Variants in C1orf50 observed in about 807,000 individuals in gnomAD.
C1orf50 encodes the protein uncharacterized protein C1orf50.
In C1orf50, 22 loss-of-function variants were observed where a neutral mutation model predicts 23.3. The ratio of observed to expected loss-of-function variants is 0.94; its 90% CI spans 0.67 to 1.35. The LOEUF is 1.35. C1orf50 is among the 40% of genes most tolerant of loss of function. C1orf50 has a pLI of 0.00. For synonymous variants in C1orf50, 96 were observed against 102.4 expected (o/e 0.94, Z 0.38); for missense variants, 271 against 249.4 (o/e 1.09, Z -0.58).
rs201793492 is a variant in C1orf50 at position 42,767,333 on chromosome 1, G to A, written c.22G>A (p.Gly8Arg). The change falls in exon 1 of 5, where the codon GGG becomes AGG. Residue 8 changes from glycine (G) to arginine (R), a missense_variant. Transcript: ENST00000372525. ...TGTCATGGAGGACGCCGCCGCGCCG[G>A]GGCGGACCGAGGGGGTCCTTGAAAG... MEDAAAP[G>R]RTEGVLERQG... The A allele has an allele frequency of 3.3e-5, 51 of 1,525,564 alleles. No homozygotes were observed. The highest frequency in any genetic ancestry group is 4.2e-5 in the Non-Finnish European group (48 of 1,141,878). The allele number at this position is 1,525,564 out of a possible 1,614,324, so 94.5% of individuals were successfully genotyped here.
rs558838896 is a variant in C1orf50 at position 42,776,244 on chromosome 1, G to A, written c.*850G>A. 1 of 152,292 alleles carries A rather than the reference G, an allele frequency of 6.6e-6. No individual in the cohort carries two copies. Among genetic ancestry groups the A allele is most frequent in the South Asian group, 2.1e-4 (1 of 4,824 alleles). 9.4% of individuals were successfully genotyped at this position (152,292 alleles called of 1,614,324 possible). ...AGTAAGGCAGTAGAGTGAGAAGCAA[G>A]AAAAACAGCCAAATTGTTGACTGTG... On this transcript the variant is annotated 3_prime_UTR_variant, in exon 5 of 5. Coordinates refer to ENST00000372525, the MANE Select transcript of C1orf50 (RefSeq NM_024097.4).
chr1:42,771,820 A>T (rs1170213364), intron 2 of C1orf50, among the ~76,000 whole-genome samples: 45 of 152,094 alleles, frequency 3.0e-4, no homozygotes, highest in Admixed American at 2.9e-3. Flanking sequence ...TCTACTAAAA[A>T]TACAAAAATT....
chr1:42,773,721 A>G, intron 3 of C1orf50, 72 bp downstream of exon 3: 2 of 1,033,498 alleles, frequency 1.9e-6, no homozygotes, highest in Non-Finnish European at 3.0e-6. Context: ...CTTGTTTATA[A>G]TCGTTGTGAC....
Position 42,775,198 on chromosome 1 carries a change from G to T in C1orf50, c.415-11G>T. Reference sequence around the variant, plus strand: ...CACGCTGATGGGAACTGCCTCCTTTGCCTTCTCTAGGAATGGGGGACAAGT... The same window carrying T: ...CACGCTGATGGGAACTGCCTCCTTTTCCTTCTCTAGGAATGGGGGACAAGT... On this transcript the variant is annotated splice_polypyrimidine_tract_variant and intron_variant, in intron 4 of 4. Transcript: ENST00000372525. 6.3e-7 allele frequency: 1 copy of T among 1,585,548 alleles called. No individual in the cohort carries two copies. The highest frequency in any genetic ancestry group is 8.6e-7 in the Non-Finnish European group (1 of 1,156,316).
chr1:42,775,419 C>G lies in C1orf50; in HGVS notation c.*25C>G. 1 of 1,551,810 alleles carries G rather than the reference C, an allele frequency of 6.4e-7. No individual in the cohort carries two copies. The highest frequency in any genetic ancestry group is 8.8e-7 in the Non-Finnish European group (1 of 1,134,726). On this transcript the variant is annotated 3_prime_UTR_variant, in exon 5 of 5. Coordinates refer to ENST00000372525, the MANE Select transcript of C1orf50 (RefSeq NM_024097.4). Reference sequence around the variant, plus strand: ...AGAGTGGGCTTTGACAAACAGCTCTCACAGGACCTGGCTGTCAACCTCCTT... The same window carrying G: ...AGAGTGGGCTTTGACAAACAGCTCTGACAGGACCTGGCTGTCAACCTCCTT...
intron 2 of C1orf50, among the ~76,000 whole-genome samples, chr1:42,772,102 G>C: frequency 6.6e-6 from 1 of 151,974 alleles, no homozygotes; most frequent in East Asian, 1.9e-4. Flanking sequence ...TTGCGATCTT[G>C]ACAAAGGCAG....
chr1:42,767,704 C>A, intron 2 of C1orf50, 80 bp downstream of exon 2: 1 of 1,276,740 alleles, frequency 7.8e-7, no homozygotes, highest in Non-Finnish European at 1.1e-6. Flanking sequence ...GACCTCACTA[C>A]CACCTATGGT....
Position 42,774,822 on chromosome 1 carries a change from A to G in C1orf50, c.368A>G (p.Tyr123Cys), listed in dbSNP as rs1043526390. ...VKKPGNIYYLYKRESGQQYFS... is the reference protein window; with the variant it reads ...VKKPGNIYYLCKRESGQQYFS... ...AAACCTGGCAACATTTACTATCTCT[A>G]TAAACGGGAGAGTGGTCAGCAGTAT... Residue 123 changes from tyrosine to cysteine, a missense_variant, in exon 4 of 5, where the codon TAT becomes TGT. Physicochemically the swap from Tyr to Cys is radical, Grantham distance 194. Coordinates refer to ENST00000372525, the MANE Select transcript of C1orf50 (RefSeq NM_024097.4). 4.3e-6 allele frequency: 7 copies of G among 1,613,502 alleles called. No individual in the cohort carries two copies. The highest frequency in any genetic ancestry group is 4.0e-5 in the African/African-American group (3 of 74,926).
chr1:42,774,879 AC>A lies in C1orf50; in HGVS notation c.414+12del, dbSNP rs767178378. The A allele has an allele frequency of 3.2e-5, 51 of 1,599,406 alleles. No homozygotes were observed. The highest frequency in any genetic ancestry group is 4.1e-5 in the Non-Finnish European group (48 of 1,171,026). ...ATCATTTCTCCAAAGGTAAGAACAT[AC>A]ATTGTTTGCCCAAAAATCTACTCCA... is the stretch of plus-strand genomic sequence containing the variant. On this transcript the variant is annotated intron_variant, in intron 4 of 4. Coordinates refer to ENST00000372525, the MANE Select transcript of C1orf50 (RefSeq NM_024097.4).
chr1:42,770,271 A>T (rs1334604896), intron 2 of C1orf50, among the ~76,000 whole-genome samples: 1 of 151,532 alleles, frequency 6.6e-6, no homozygotes, highest in Non-Finnish European at 1.5e-5. Flanking sequence ...TGCATTTTAT[A>T]TTAACTCTTC....
chr1:42,778,978 C>T lies in C1orf50; in HGVS notation c.*3584C>T, dbSNP rs1266920447. 1.1e-4 allele frequency: 2 copies of T among 19,002 alleles called. No individual in the cohort carries two copies. Among genetic ancestry groups the T allele is most frequent in the African/African-American group, 2.8e-4 (1 of 3,522 alleles). 1.2% of individuals were successfully genotyped at this position (19,002 alleles called of 1,614,324 possible). ...TCACCAATTACAAGGTGTACTTCCC[C>T]CCCCCCCCCCCCCACATTTTGGTGT... On this transcript the variant is annotated 3_prime_UTR_variant, in exon 5 of 5. Coordinates refer to ENST00000372525, the MANE Select transcript of C1orf50 (RefSeq NM_024097.4).
intron 2 of C1orf50, among the ~76,000 whole-genome samples, chr1:42,769,127 A>G (rs542881652): frequency 7.9e-5 from 12 of 152,204 alleles, no homozygotes; most frequent in Non-Finnish European, 1.3e-4. Flanking sequence ...TCATGCCTGT[A>G]GTCTCAGCTA....
intron 2 of C1orf50, among the ~76,000 whole-genome samples, chr1:42,771,843 T>G (rs977854060): frequency 1.2e-4 from 18 of 151,992 alleles, no homozygotes; most frequent in Non-Finnish European, 2.5e-4. Flanking sequence ...CGGGGCATGG[T>G]GACGCATGCC....
rs990458777 is a variant in C1orf50 at position 42,777,225 on chromosome 1, A to C, written c.*1831A>C. On this transcript the variant is annotated 3_prime_UTR_variant, in exon 5 of 5. Transcript: ENST00000372525. ...ATTCTCCTGCCTCAGCCTCCTCAGT[A>C]GCTGAGATTACAGGCGCACGCCACC... is the stretch of plus-strand genomic sequence containing the variant. 1 of 152,256 alleles carries C rather than the reference A, an allele frequency of 6.6e-6. No individual in the cohort carries two copies. The highest frequency in any genetic ancestry group is 2.4e-5 in the African/African-American group (1 of 41,394). The allele number at this position is 152,256 out of a possible 1,614,324, so 9.4% of individuals were successfully genotyped here.
At chr1:42,772,777 T>C (rs1188983731) in intron 2 of C1orf50, among the ~76,000 whole-genome samples, 1 of 86,166 alleles carries the variant, frequency 1.2e-5, no homozygotes, top group African/African-American at 5.0e-5. Flanking sequence ...ACGAAAACTG[T>C]CTGAAAAAAA....
chr1:42,772,975 G>A (rs1653256211), intron 2 of C1orf50, among the ~76,000 whole-genome samples: 1 of 152,186 alleles, frequency 6.6e-6, no homozygotes, highest in Non-Finnish European at 1.5e-5. Context: ...GAAATGGTCA[G>A]ATTAACGCAT....
At chr1:42,771,608 T>C (rs1653222849) in intron 2 of C1orf50, among the ~76,000 whole-genome samples, 4 of 152,234 alleles carry the variant, frequency 2.6e-5, no homozygotes, top group East Asian at 1.9e-4. Context: ...AAACAAAAAA[T>C]GCAAAATATT....
chr1:42,771,526 A>G (rs1159229049), intron 2 of C1orf50, among the ~76,000 whole-genome samples: 5 of 152,210 alleles, frequency 3.3e-5, no homozygotes, highest in Non-Finnish European at 7.3e-5. Flanking sequence ...AATAAACACT[A>G]TATTTTGAAG....
intron 2 of C1orf50, among the ~76,000 whole-genome samples, chr1:42,771,961 C>T (rs1653232939): frequency 2.9e-5 from 4 of 137,580 alleles, no homozygotes; most frequent in African/African-American, 5.6e-5. Context: ...CGTGACAGAG[C>T]GAGACTCTGC....
Sources: allele counts gnomAD v4.1 joint callset (sites outside exome capture counted in the v4.1 genomes callset), GRCh38; gene constraint gnomAD v4.1.1; transcripts MANE v1.5; gene names NCBI Gene and HGNC (gene_info 2026-07-23, HGNC 2026-07-21).